The following GALNT13 variants were observed in gnomAD, a reference collection of about 807,000 sequenced individuals.
The protein encoded by GALNT13 is polypeptide N-acetylgalactosaminyltransferase 13.
A neutral mutation model predicts 64.2 loss-of-function variants in GALNT13; 28 were observed. That is an observed-to-expected ratio of 0.44 (90% CI 0.32 to 0.60). The LOEUF (loss-of-function observed/expected upper bound fraction) is 0.60, where lower values mean the gene tolerates loss of function less well. Among genes scored for constraint, GALNT13 ranks in the 20% least tolerant of loss-of-function variants. GALNT13 has a pLI of 0.05. For synonymous variants in GALNT13, 214 were observed against 224.6 expected (o/e 0.95, Z 0.42); for missense variants, 577 against 669.8 (o/e 0.86, Z 1.53).
upstream of GALNT13, among the ~76,000 whole-genome samples, chr2:153,870,342 A>G (rs948974980): frequency 6.6e-6 from 1 of 152,136 alleles, no homozygotes; most frequent in African/African-American, 2.4e-5. Context: ...GAGATGAAAC[A>G]TGTAAGAATG....
chr2:154,096,398 A>G (rs866314615), intron 3 of GALNT13, among the ~76,000 whole-genome samples: 2 of 152,018 alleles, frequency 1.3e-5, no homozygotes, highest in African/African-American at 2.4e-5. Context: ...CTTTCCAACC[A>G]CTGTGACATT....
At chr2:153,138,663 C>T in the GALNT13 span, among the ~76,000 whole-genome samples, 1 of 152,078 alleles carries the variant, frequency 6.6e-6, no homozygotes, top group African/African-American at 2.4e-5. Context: ...TTAGCATCAT[C>T]TAGATTTTAA....
chr2:153,870,773 A>T (rs140389570), upstream of GALNT13, among the ~76,000 whole-genome samples: 1 of 151,192 alleles, frequency 6.6e-6, no homozygotes, highest in East Asian at 1.9e-4. Context: ...TGTTTGTCAA[A>T]CGTGGCTGTT....
chr2:153,599,811 C>T, the GALNT13 span, among the ~76,000 whole-genome samples: 1 of 152,030 alleles, frequency 6.6e-6, no homozygotes, highest in South Asian at 2.1e-4. Flanking sequence ...ATAATTTATG[C>T]ATCTCCTTGT....
chr2:153,927,747 C>T (rs952668271), intron 2 of GALNT13, among the ~76,000 whole-genome samples: 10 of 152,000 alleles, frequency 6.6e-5, no homozygotes, highest in Admixed American at 4.6e-4. Flanking sequence ...TTATGATTAA[C>T]AACTTTACCA....
intron 9 of GALNT13, among the ~76,000 whole-genome samples, chr2:154,324,346 G>T (rs1341729058): frequency 2.6e-5 from 4 of 151,780 alleles, no homozygotes; most frequent in Non-Finnish European, 5.9e-5. Flanking sequence ...CATGCAAAGG[G>T]TATAATTTTG....
chr2:153,333,041 G>A, the GALNT13 span, among the ~76,000 whole-genome samples: 158 of 152,274 alleles, frequency 1.0e-3, 1 homozygote, highest in African/African-American at 3.7e-3. Flanking sequence ...TCCACAGTTA[G>A]GGCTATGGAG....
chr2:153,154,803 CA>C, the GALNT13 span, among the ~76,000 whole-genome samples: 9 of 152,034 alleles, frequency 5.9e-5, no homozygotes, highest in Non-Finnish European at 1.3e-4. Context: ...ATCCTTGTGC[CA>C]GTTTTCAAAG....
At chr2:154,385,287 A>G (rs1193226234) in intron 9 of GALNT13, among the ~76,000 whole-genome samples, 1 of 151,986 alleles carries the variant, frequency 6.6e-6, no homozygotes, top group Non-Finnish European at 1.5e-5. Context: ...AACTCATTAT[A>G]TATGAATTCA....
chr2:154,383,186 G>C (rs1438996274), intron 9 of GALNT13, among the ~76,000 whole-genome samples: 1 of 151,934 alleles, frequency 6.6e-6, no homozygotes, highest in Non-Finnish European at 1.5e-5. Flanking sequence ...TCTTCTGTTA[G>C]GAGATGATGT....
chr2:153,435,304 G>A, the GALNT13 span, among the ~76,000 whole-genome samples: 9 of 152,006 alleles, frequency 5.9e-5, no homozygotes, highest in East Asian at 7.7e-4. Flanking sequence ...TTGACTTGGC[G>A]ATGCAGGCTC....
At chr2:153,313,398 G>A in the GALNT13 span, among the ~76,000 whole-genome samples, 1 of 152,124 alleles carries the variant, frequency 6.6e-6, no homozygotes, top group African/African-American at 2.4e-5. Flanking sequence ...TCCTTTGCAG[G>A]GATATGGATG....
At chr2:154,095,270 C>T (rs1270284579) in intron 3 of GALNT13, among the ~76,000 whole-genome samples, 3 of 151,632 alleles carry the variant, frequency 2.0e-5, no homozygotes, top group Non-Finnish European at 4.4e-5. Context: ...GAGTATCATT[C>T]GGTCTCATCC....
intron 3 of GALNT13, among the ~76,000 whole-genome samples, chr2:154,135,837 C>T (rs930206070): frequency 1.3e-5 from 2 of 151,956 alleles, no homozygotes; most frequent in African/African-American, 4.8e-5. Flanking sequence ...TCTTTTAAAA[C>T]AATGAAAAAA....
intron 12 of GALNT13, among the ~76,000 whole-genome samples, chr2:154,449,480 CA>C (rs35845747): frequency 0.21 from 26,561 of 123,814 alleles, 2,660 homozygotes; most frequent in East Asian, 0.52. Context: ...TGGTAATTTG[CA>C]AAAAAAAAAG....
intron 2 of GALNT13, among the ~76,000 whole-genome samples, chr2:153,930,845 T>C (rs772485350): frequency 1.2e-4 from 18 of 152,134 alleles, no homozygotes; most frequent in Non-Finnish European, 2.1e-4. Flanking sequence ...ATAGTTTTTT[T>C]CTAATTCTGT....
chr2:154,014,365 C>T (rs543246000), intron 3 of GALNT13, among the ~76,000 whole-genome samples: 67 of 152,162 alleles, frequency 4.4e-4, no homozygotes, highest in African/African-American at 1.5e-3. Context: ...ACCTGTTAAA[C>T]TCACCCCTTC....
At chr2:153,603,689 A>G in the GALNT13 span, among the ~76,000 whole-genome samples, 16 of 151,948 alleles carry the variant, frequency 1.1e-4, no homozygotes, top group African/African-American at 1.7e-4. Flanking sequence ...GTTATATTTT[A>G]TTGAGGCTTT....
chr2:153,507,206 G>A, the GALNT13 span, among the ~76,000 whole-genome samples: 1 of 151,440 alleles, frequency 6.6e-6, no homozygotes, highest in South Asian at 2.1e-4. Flanking sequence ...AGTTGTGATT[G>A]TTTTTTATTC....
Sources: allele counts gnomAD v4.1 joint callset (sites outside exome capture counted in the v4.1 genomes callset), GRCh38; gene constraint gnomAD v4.1.1; transcripts MANE v1.5; gene names NCBI Gene and HGNC (gene_info 2026-07-23, HGNC 2026-07-21).